Variants in ADAMTS18 observed in about 807,000 individuals in gnomAD.
ADAMTS18 encodes A disintegrin and metalloproteinase with thrombospondin motifs 18.
Under a neutral mutation model 165.9 loss-of-function variants are expected in ADAMTS18, and 157 were observed. That is an observed-to-expected ratio of 0.95 (90% CI 0.83 to 1.08). The LOEUF is 1.08. Ranked by LOEUF, ADAMTS18 falls within the 50% of genes least tolerant of loss-of-function variation. The probability of loss-of-function intolerance (pLI) is 0.00; values close to 1 mark genes in which losing one functional copy is unlikely to be tolerated. For synonymous variants in ADAMTS18, 782 were observed against 578.2 expected (o/e 1.35, Z -5.06); for missense variants, 2,040 against 1,534.0 (o/e 1.33, Z -5.51).
At chr16:77,348,543 C>T (rs193183585) in intron 10 of ADAMTS18, among the ~76,000 whole-genome samples, 2 of 152,284 alleles carry the variant, frequency 1.3e-5, no homozygotes, top group African/African-American at 4.8e-5. Context: ...ACTGGTCAAT[C>T]AGGTAAGTCA....
rs1438518236 is a variant in ADAMTS18 at position 77,282,639 on chromosome 16, T to C, written c.*1317A>G. ...AAAGAAGTTGAGGAATAAAGTAGAA[T>C]TTATGTAAATATGCCCTTTATAACC... On this transcript the variant is annotated 3_prime_UTR_variant, in exon 23 of 23. Transcript: ENST00000282849. 1 of 152,610 alleles carries C rather than the reference T, an allele frequency of 6.6e-6. No individual in the cohort carries two copies. Among genetic ancestry groups the C allele is most frequent in the Admixed American group, 6.5e-5 (1 of 15,274 alleles). The allele number at this position is 152,610 out of a possible 1,614,324, so 9.5% of individuals were successfully genotyped here. A position where few individuals can be genotyped will look rare whatever the true frequency, so the allele number is the denominator to read the frequency against.
At chr16:77,297,785 T>A (rs1184697938) in intron 17 of ADAMTS18, among the ~76,000 whole-genome samples, 1 of 152,048 alleles carries the variant, frequency 6.6e-6, no homozygotes, top group East Asian at 1.9e-4. Flanking sequence ...TCGTGAGTTA[T>A]ATATGGAAAC....
chr16:77,388,768 G>C (rs2057144706), intron 3 of ADAMTS18, among the ~76,000 whole-genome samples: 1 of 152,146 alleles, frequency 6.6e-6, no homozygotes, highest in Non-Finnish European at 1.5e-5. Flanking sequence ...GCAATGTTCA[G>C]GGAAGCAGAA....
chr16:77,373,782 G>A (rs1240972548), intron 3 of ADAMTS18, among the ~76,000 whole-genome samples: 1 of 152,074 alleles, frequency 6.6e-6, no homozygotes, highest in East Asian at 1.9e-4. Flanking sequence ...ACAGTTTACT[G>A]GCTTTATGTC....
chr16:77,377,405 G>C (rs1194324118), intron 3 of ADAMTS18, among the ~76,000 whole-genome samples: 1 of 152,192 alleles, frequency 6.6e-6, no homozygotes, highest in African/African-American at 2.4e-5. Flanking sequence ...CATGTCTTAA[G>C]TGATTTGTAT....
At position 77,283,347 on chromosome 16, in the gene ADAMTS18, C is replaced by G. The variant is rs769973831; in HGVS notation, c.*609G>C. 6.5e-6 allele frequency: 1 copy of G among 153,342 alleles called. No homozygotes were observed. Among genetic ancestry groups the G allele is most frequent in the Non-Finnish European group, 1.5e-5 (1 of 68,668 alleles). 9.5% of individuals were successfully genotyped at this position (153,342 alleles called of 1,614,324 possible). On this transcript the variant is annotated 3_prime_UTR_variant, in exon 23 of 23. Transcript: ENST00000282849. ...GTTGTCAATTTTAGTCTCAGAGACT[C>G]TCTATAAGCAGAATATAGTTTACAC...
At chr16:77,419,535 C>A (rs747725028) in intron 3 of ADAMTS18, among the ~76,000 whole-genome samples, 1 of 152,074 alleles carries the variant, frequency 6.6e-6, no homozygotes, top group Non-Finnish European at 1.5e-5. Context: ...ACCTCTGGAC[C>A]CAATCAAATT....
At chr16:77,415,977 G>C (rs1001454661) in intron 3 of ADAMTS18, among the ~76,000 whole-genome samples, 2 of 152,162 alleles carry the variant, frequency 1.3e-5, no homozygotes, top group African/African-American at 4.8e-5. Context: ...GTGAATAGCA[G>C]AGATAAAGCC....
rs1004746119 is a variant in ADAMTS18 at position 77,326,464 on chromosome 16, C to T, written c.1860-426G>A. 3.3e-5 allele frequency among the ~76,000 whole-genome samples: 5 copies of T among 152,296 alleles called. No individual in the cohort carries two copies. The South Asian group carries it at 8.3e-4, about 25-fold the overall frequency. The stretch of plus-strand genomic sequence containing the variant: ...GTGGCGTGATCTTGGCTCACTGCTG[C>T]CTCCACCTCTCTGGCTCAGGTTAGC... On this transcript the variant is annotated intron_variant, in intron 12 of 22. Coordinates refer to ENST00000282849, the MANE Select transcript of ADAMTS18 (RefSeq NM_199355.4).
rs117632053 is a variant in ADAMTS18 at position 77,380,048 on chromosome 16, G to T, written c.496-12325C>A. ...GAAAAAAGGTTCCAAAAGTCTTGCT[G>T]CCGAGGTCCTCAGAAATGCTTGGCT... On this transcript the variant is annotated intron_variant, in intron 3 of 22. Coordinates refer to ENST00000282849, the MANE Select transcript of ADAMTS18 (RefSeq NM_199355.4). Among the ~76,000 whole-genome samples the T allele has an allele frequency of 2.6e-5, 4 of 152,184 alleles. No individual in the cohort carries two copies. In the East Asian group the frequency reaches 7.7e-4, roughly 29 times the overall value.
chr16:77,315,621 T>A (rs2055873649), intron 16 of ADAMTS18, among the ~76,000 whole-genome samples: 2 of 152,174 alleles, frequency 1.3e-5, no homozygotes, highest in Non-Finnish European at 2.9e-5. Flanking sequence ...CGCCTCTCCG[T>A]GACAGGTGCA....
intron 3 of ADAMTS18, among the ~76,000 whole-genome samples, chr16:77,422,604 G>A (rs889441233): frequency 1.3e-5 from 2 of 150,960 alleles, no homozygotes; most frequent in African/African-American, 4.9e-5. Context: ...AGGAAAAGAA[G>A]AAAGGAGAGA....
intron 10 of ADAMTS18, among the ~76,000 whole-genome samples, chr16:77,342,819 G>C (rs567920704): frequency 2.0e-5 from 3 of 152,322 alleles, no homozygotes; most frequent in African/African-American, 7.2e-5. Context: ...TGGAGAGGCA[G>C]AGACTGTCCT....
chr16:77,299,129 A>C (rs138163907), intron 17 of ADAMTS18, among the ~76,000 whole-genome samples: 64 of 152,344 alleles, frequency 4.2e-4, no homozygotes, highest in African/African-American at 1.5e-3. Context: ...TGACTAAATG[A>C]AACAGTGTGA....
At chr16:77,286,306 C>G (rs1227363547) in intron 22 of ADAMTS18, among the ~76,000 whole-genome samples, 3 of 152,068 alleles carry the variant, frequency 2.0e-5, no homozygotes, top group Admixed American at 2.0e-4. Context: ...TTCCTCACCC[C>G]TTCACCCCTG....
chr16:77,382,478 G>A (rs2057045938), intron 3 of ADAMTS18, among the ~76,000 whole-genome samples: 3 of 152,150 alleles, frequency 2.0e-5, no homozygotes, highest in Admixed American at 2.0e-4. Context: ...CCAAAGTGCT[G>A]GGATTACAGG....
chr16:77,376,015 T>C (rs2056946819), intron 3 of ADAMTS18, among the ~76,000 whole-genome samples: 1 of 149,838 alleles, frequency 6.7e-6, no homozygotes, highest in African/African-American at 2.5e-5. Flanking sequence ...GCGATTCTCC[T>C]GCCTCAGTCT....
intron 10 of ADAMTS18, among the ~76,000 whole-genome samples, chr16:77,351,836 G>C (rs1190477653): frequency 6.6e-6 from 1 of 152,040 alleles, no homozygotes; most frequent in African/African-American, 2.4e-5. Flanking sequence ...CTGGGCTCAA[G>C]TGATCCCCCT....
rs1427321342 is a variant in ADAMTS18, at chr16:77,293,096, C to A, written c.3169G>T (p.Val1057Phe). Residue 1057 changes from valine to phenylalanine, a missense_variant, in exon 20 of 23, where the codon GTC becomes TTC. By Grantham distance (50) the Val-to-Phe change is conservative. Transcript: ENST00000282849. ...CATACCTCGCTCCACGAAGAAGCGA[C>A]CCACTGTAGCCGGCTGTTCTTGGGG... ...RCPKNSRLQWVASSWSECSAT... is the reference protein window; with the variant it reads ...RCPKNSRLQWFASSWSECSAT... 1 of 1,614,080 alleles carries A rather than the reference C, an allele frequency of 6.2e-7. No homozygotes were observed. Among genetic ancestry groups the A allele is most frequent in the Admixed American group, 1.7e-5 (1 of 60,012 alleles).
Sources: gnomAD v4.1 joint callset for allele counts (sites outside exome capture counted in the v4.1 genomes callset) on GRCh38, gnomAD v4.1.1 for gene constraint, MANE v1.5 for transcripts, NCBI Gene and HGNC (gene_info 2026-07-23, HGNC 2026-07-21) for gene names.